Variants in DLG2 observed in about 807,000 individuals in gnomAD.
DLG2 encodes the protein disks large homolog 2.
A neutral mutation model predicts 132.5 loss-of-function variants in DLG2; 45 were observed. The observed-to-expected ratio is 0.34, with a 90% CI of 0.27 to 0.44. The LOEUF is 0.44. Ranked by LOEUF, DLG2 falls within the 20% of genes least tolerant of loss-of-function variation. DLG2 has a pLI of 1.00. For synonymous variants in DLG2, 424 were observed against 419.6 expected (o/e 1.01, Z -0.13); for missense variants, 1,045 against 1,196.9 (o/e 0.87, Z 1.87).
chr11:84,887,668 T>C (rs2088563080), intron 6 of DLG2, among the ~76,000 whole-genome samples: 1 of 152,124 alleles, frequency 6.6e-6, no homozygotes, highest in South Asian at 2.1e-4. Flanking sequence ...AATAATACTT[T>C]ATCAAGTACC....
At chr11:84,460,962 T>C (rs905832738) in intron 7 of DLG2, among the ~76,000 whole-genome samples, 3 of 150,830 alleles carry the variant, frequency 2.0e-5, no homozygotes, top group Admixed American at 1.3e-4. Context: ...AAGCAGCTTT[T>C]GCATATGTGT....
At chr11:84,087,319 T>C (rs1319780448) in intron 10 of DLG2, among the ~76,000 whole-genome samples, 1 of 152,220 alleles carries the variant, frequency 6.6e-6, no homozygotes, top group Non-Finnish European at 1.5e-5. Context: ...ACACTTATAC[T>C]GTCCATCTTT....
At chr11:85,061,817 G>A (rs1198131505) in intron 6 of DLG2, among the ~76,000 whole-genome samples, 1 of 151,720 alleles carries the variant, frequency 6.6e-6, no homozygotes, top group African/African-American at 2.4e-5. Flanking sequence ...AAATAACTAA[G>A]GATTGACCCC....
chr11:84,283,017 A>C (rs1309304813), intron 7 of DLG2, among the ~76,000 whole-genome samples: 1 of 152,200 alleles, frequency 6.6e-6, no homozygotes, highest in Non-Finnish European at 1.5e-5. Context: ...AGTATGTACT[A>C]TGTCATATAT....
At chr11:84,451,113 G>A (rs891409092) in intron 7 of DLG2, among the ~76,000 whole-genome samples, 15 of 151,792 alleles carry the variant, frequency 9.9e-5, no homozygotes, top group African/African-American at 3.6e-4. Context: ...CTAAAGAGTT[G>A]AGCCCAGGGG....
intron 2 of DLG2, among the ~76,000 whole-genome samples, chr11:85,602,594 A>G (rs2080247164): frequency 6.6e-6 from 1 of 152,084 alleles, no homozygotes; most frequent in Non-Finnish European, 1.5e-5. Flanking sequence ...TATGTTGCCC[A>G]GGCTGGCCTA....
At chr11:83,534,886 T>C (rs2095845015) in intron 20 of DLG2, among the ~76,000 whole-genome samples, 1 of 152,228 alleles carries the variant, frequency 6.6e-6, no homozygotes, top group Non-Finnish European at 1.5e-5. Flanking sequence ...GAGGTTGCAG[T>C]GAGCCTAGAT....
intron 19 of DLG2, among the ~76,000 whole-genome samples, chr11:83,569,201 G>GT (rs769756954): frequency 2.0e-4 from 26 of 130,368 alleles, no homozygotes; most frequent in East Asian, 4.6e-4. Context: ...GCTTTATGCT[G>GT]TTTTTTTTAA....
chr11:84,152,002 A>G (rs1026925743), intron 9 of DLG2, among the ~76,000 whole-genome samples: 1 of 152,210 alleles, frequency 6.6e-6, no homozygotes, highest in African/African-American at 2.4e-5. Context: ...ATATACAGAC[A>G]AGAAGAATGT....
At chr11:84,556,672 G>A (rs1013696695) in intron 6 of DLG2, among the ~76,000 whole-genome samples, 2 of 152,164 alleles carry the variant, frequency 1.3e-5, no homozygotes, top group Non-Finnish European at 2.9e-5. Context: ...AAGAGCCTCT[G>A]TTCCCCAGAT....
intron 6 of DLG2, among the ~76,000 whole-genome samples, chr11:84,794,264 A>G (rs1283060183): frequency 6.6e-6 from 1 of 152,228 alleles, no homozygotes; most frequent in Non-Finnish European, 1.5e-5. Flanking sequence ...AAAATGATTA[A>G]AAGAGTGTAA....
intron 6 of DLG2, among the ~76,000 whole-genome samples, chr11:84,901,982 TATA>T (rs1208363098): frequency 6.6e-6 from 1 of 152,114 alleles, no homozygotes; most frequent in African/African-American, 2.4e-5. Context: ...ACATATAGGT[TATA>T]ATAAGAAATT....
intron 6 of DLG2, among the ~76,000 whole-genome samples, chr11:84,949,703 T>A (rs896101070): frequency 4.9e-4 from 74 of 152,246 alleles, no homozygotes; most frequent in African/African-American, 1.7e-3. Context: ...ATCTCTCTTA[T>A]TCTCTGAACA....
chr11:84,359,236 G>A (rs2098635901), intron 7 of DLG2, among the ~76,000 whole-genome samples: 1 of 151,762 alleles, frequency 6.6e-6, no homozygotes, highest in Admixed American at 6.6e-5. Flanking sequence ...CCAAAGAAAT[G>A]GTAAAACTGA....
chr11:85,195,288 T>TA (rs2080944437), intron 4 of DLG2, among the ~76,000 whole-genome samples: 1 of 152,050 alleles, frequency 6.6e-6, no homozygotes, highest in African/African-American at 2.4e-5. Flanking sequence ...CCAAAGATGT[T>TA]AATGGTGACT....
intron 6 of DLG2, among the ~76,000 whole-genome samples, chr11:84,592,167 A>C (rs937786498): frequency 6.6e-6 from 1 of 152,138 alleles, no homozygotes; most frequent in African/African-American, 2.4e-5. Context: ...AGTCGGCAGG[A>C]ATTTTAGAGC....
At chr11:85,077,765 G>A (rs1475748520) in intron 6 of DLG2, among the ~76,000 whole-genome samples, 1 of 151,948 alleles carries the variant, frequency 6.6e-6, no homozygotes, top group African/African-American at 2.4e-5. Flanking sequence ...GAAAAGTCAA[G>A]TTCTTTTTTC....
intron 4 of DLG2, among the ~76,000 whole-genome samples, chr11:85,229,084 C>G (rs2075141876): frequency 6.6e-6 from 1 of 151,820 alleles, no homozygotes; most frequent in Non-Finnish European, 1.5e-5. Flanking sequence ...ACATACATCA[C>G]ATATAAGAAC....
intron 15 of DLG2, among the ~76,000 whole-genome samples, chr11:83,927,952 G>A (rs2079299561): frequency 6.6e-6 from 1 of 152,142 alleles, no homozygotes. Flanking sequence ...GAACAATGCG[G>A]TAGATGTGTG....
Sources: gnomAD v4.1 joint callset for allele counts (sites outside exome capture counted in the v4.1 genomes callset) on GRCh38, gnomAD v4.1.1 for gene constraint, MANE v1.5 for transcripts, NCBI Gene and HGNC (gene_info 2026-07-23, HGNC 2026-07-21) for gene names.